Variants in TRPC6 observed in about 807,000 individuals in gnomAD.
The protein encoded by TRPC6 is transient receptor potential cation channel subfamily C member 6.
TRPC6 carries 55 observed loss-of-function variants against 90.7 expected under a neutral mutation model. That is an observed-to-expected ratio of 0.61 (90% confidence interval 0.49 to 0.76). The LOEUF is 0.76. Among genes scored for constraint, TRPC6 ranks in the 30% least tolerant of loss-of-function variants. The pLI is 0.00. For synonymous variants in TRPC6, 393 were observed against 393.0 expected, an observed-to-expected ratio of 1.00 and a Z score of 0.00; for missense variants, 989 against 1,122.7, an observed-to-expected ratio of 0.88 and a Z score of 1.70.
At chr11:101,535,215 GAAGGAAGGAAGGAAGGAAGA>G (rs1380253614) in intron 1 of TRPC6, among the ~76,000 whole-genome samples, 1,221 of 85,430 alleles carry the variant, frequency 0.014, 20 homozygotes, top group Middle Eastern at 0.038. Flanking sequence ...AGGAAGGAAG[GAAGGAAGGAAGGAAGGAAGA>G]AAACACAAAG....
chr11:101,514,959 T>TA (rs1231339634), intron 1 of TRPC6, among the ~76,000 whole-genome samples: 1 of 152,204 alleles, frequency 6.6e-6, no homozygotes, highest in Non-Finnish European at 1.5e-5. Flanking sequence ...TGGGAATCCT[T>TA]ACTCTGTCAG....
chr11:101,553,284 C>A (rs1179324815), intron 1 of TRPC6, among the ~76,000 whole-genome samples: 1 of 152,060 alleles, frequency 6.6e-6, no homozygotes, highest in Admixed American at 6.6e-5. Flanking sequence ...TTCCTGTAAC[C>A]TATCCCATCT....
intron 5 of TRPC6, among the ~76,000 whole-genome samples, chr11:101,481,647 G>A (rs1293164596): frequency 6.6e-6 from 1 of 152,046 alleles, no homozygotes; most frequent in Non-Finnish European, 1.5e-5. Flanking sequence ...AAGTTGTTTG[G>A]GGTTTACCTA....
intron 1 of TRPC6, among the ~76,000 whole-genome samples, chr11:101,550,332 A>G (rs1858407143): frequency 6.6e-6 from 1 of 151,634 alleles, no homozygotes; most frequent in African/African-American, 2.4e-5. Context: ...TAAATTAAAA[A>G]AGACGCAAGG....
chr11:101,557,618 C>A (rs949693963), intron 1 of TRPC6, among the ~76,000 whole-genome samples: 2 of 81,096 alleles, frequency 2.5e-5, no homozygotes, highest in African/African-American at 9.8e-5. Flanking sequence ...TCTACTAATT[C>A]CACACACACA....
chr11:101,496,116 C>T (rs1859943496), intron 2 of TRPC6, among the ~76,000 whole-genome samples: 1 of 151,970 alleles, frequency 6.6e-6, no homozygotes, highest in Admixed American at 6.6e-5. Context: ...GGAGAAGTGC[C>T]ACACAGTTTT....
At chr11:101,535,391 T>C (rs1330617425) in intron 1 of TRPC6, among the ~76,000 whole-genome samples, 2 of 68,574 alleles carry the variant, frequency 2.9e-5, no homozygotes, top group African/African-American at 7.2e-5. Context: ...CCTAATCTTA[T>C]TATTATTTTT....
intron 1 of TRPC6, among the ~76,000 whole-genome samples, chr11:101,561,483 T>A (rs1449629553): frequency 6.6e-6 from 1 of 152,200 alleles, no homozygotes; most frequent in African/African-American, 2.4e-5. Flanking sequence ...TAAATTTTCA[T>A]GGAAACTGTT....
intron 3 of TRPC6, among the ~76,000 whole-genome samples, chr11:101,490,657 T>C (rs987372766): frequency 1.3e-5 from 2 of 152,180 alleles, no homozygotes; most frequent in African/African-American, 4.8e-5. Context: ...GGTTTCACTA[T>C]GTTGCCTAGG....
Position 101,504,138 on chromosome 11 carries a change from A to T in TRPC6, c.831T>A (p.Tyr277Ter). The change falls in exon 2 of 13, where the codon TAT (tyrosine) becomes TAA (stop). Residue 277 changes from tyrosine to a stop codon, truncating the protein, a stop_gained. Transcript: ENST00000344327. LOFTEE classifies it high-confidence loss of function. ...GGTAAGCCGGACTTGCCAGGCCTTT[A>T]TAGGCATTAATCCTAGATCTGGAGT... is the stretch of plus-strand genomic sequence containing the variant. ...FSHSRSRINA[Y>*]KGLASPAYLS... 1 of 1,614,140 alleles carries T rather than the reference A, an allele frequency of 6.2e-7. No individual in the cohort carries two copies. Among genetic ancestry groups the T allele is most frequent in the Non-Finnish European group, 8.5e-7 (1 of 1,179,984 alleles).
intron 1 of TRPC6, among the ~76,000 whole-genome samples, chr11:101,508,290 T>A (rs1860319921): frequency 6.6e-6 from 1 of 152,160 alleles, no homozygotes; most frequent in Admixed American, 6.5e-5. Context: ...TGCTTCTTTT[T>A]AAAGAAATAT....
intron 1 of TRPC6, among the ~76,000 whole-genome samples, chr11:101,555,670 T>C (rs1036318206): frequency 3.9e-5 from 6 of 152,190 alleles, no homozygotes; most frequent in Admixed American, 3.9e-4. Context: ...AAACTTTTAA[T>C]GTAAAACAGA....
intron 1 of TRPC6, among the ~76,000 whole-genome samples, chr11:101,576,441 T>C (rs547973821): frequency 1.5e-4 from 23 of 152,326 alleles, no homozygotes; most frequent in African/African-American, 5.3e-4. Context: ...GTAACACTCA[T>C]TTCTGTATTC....
intron 1 of TRPC6, among the ~76,000 whole-genome samples, chr11:101,541,309 G>A (rs1015760074): frequency 1.3e-5 from 2 of 152,150 alleles, no homozygotes; most frequent in African/African-American, 4.8e-5. Context: ...ACAAAATGGA[G>A]TAGAAGAGTT....
Position 101,573,920 on chromosome 11 carries a change from A to G in TRPC6, c.170+9414T>C, listed in dbSNP as rs567113757. On this transcript the variant is annotated intron_variant, in intron 1 of 12. Transcript: ENST00000344327. ...CTCCTTTCAAGCCTAAGAAACAAAT[A>G]CGTGTGTGTGTGTGTGTGTGTGTGT... is the stretch of plus-strand genomic sequence containing the variant. Among the ~76,000 whole-genome samples the G allele has an allele frequency of 4.2e-4, 27 of 63,770 alleles. 1 individual carries two copies. Among genetic ancestry groups the G allele is most frequent in the African/African-American group, 1.5e-3 (26 of 17,564 alleles). 41.8% of individuals were successfully genotyped at this position (63,770 alleles called of 152,430 possible). A position where few individuals can be genotyped will look rare whatever the true frequency, so the allele number is the denominator to read the frequency against.
chr11:101,565,126 G>T (rs551047331), intron 1 of TRPC6, among the ~76,000 whole-genome samples: 3 of 152,000 alleles, frequency 2.0e-5, no homozygotes, highest in African/African-American at 2.4e-5. Context: ...TAGGAAAAAA[G>T]CTCCTTGACA....
chr11:101,483,517 G>A (rs1185483302), intron 4 of TRPC6, among the ~76,000 whole-genome samples: 1 of 152,180 alleles, frequency 6.6e-6, no homozygotes, highest in Non-Finnish European at 1.5e-5. Flanking sequence ...AGGTATTGAG[G>A]AAGTGGCAAT....
chr11:101,526,268 T>C (rs1422259371), intron 1 of TRPC6, among the ~76,000 whole-genome samples: 10 of 152,216 alleles, frequency 6.6e-5, no homozygotes, highest in Non-Finnish European at 1.3e-4. Flanking sequence ...AAGACCACTG[T>C]TATTCTTACA....
At chr11:101,518,985 A>T (rs1332720527) in intron 1 of TRPC6, among the ~76,000 whole-genome samples, 1 of 152,196 alleles carries the variant, frequency 6.6e-6, no homozygotes, top group East Asian at 1.9e-4. Context: ...GGGAGCTAAA[A>T]ATTAAAACAA....
Sources: gnomAD v4.1 joint callset for allele counts (sites outside exome capture counted in the v4.1 genomes callset) on GRCh38, gnomAD v4.1.1 for gene constraint, MANE v1.5 for transcripts, NCBI Gene and HGNC (gene_info 2026-07-23, HGNC 2026-07-21) for gene names.